Variants in CDYL2 observed in about 807,000 individuals in gnomAD.
CDYL2 encodes chromodomain Y like 2.
In CDYL2, 23 loss-of-function variants were observed where a neutral mutation model predicts 49.4. That is an observed-to-expected ratio of 0.47 (90% CI 0.34 to 0.66). The LOEUF is 0.66. Ranked by LOEUF, CDYL2 falls within the 30% of genes least tolerant of loss-of-function variation. The probability of loss-of-function intolerance (pLI) is 0.01; values close to 1 mark genes in which losing one functional copy is unlikely to be tolerated. For missense variants in CDYL2, 678 were observed against 656.4 expected (o/e 1.03, Z -0.36); for synonymous variants, 360 against 268.8 (o/e 1.34, Z -3.32).
At chr16:80,637,178 T>C (rs1237494268) in intron 2 of CDYL2, among the ~76,000 whole-genome samples, 2 of 151,442 alleles carry the variant, frequency 1.3e-5, no homozygotes. Context: ...GTTCTGTATA[T>C]GTATACATTT....
At chr16:80,757,426 G>A (rs1906348714) in intron 1 of CDYL2, among the ~76,000 whole-genome samples, 1 of 151,576 alleles carries the variant, frequency 6.6e-6, no homozygotes, top group Non-Finnish European at 1.5e-5. Context: ...TGTAGTACTA[G>A]CTGCTCAGGA....
At chr16:80,749,440 T>C (rs546488317) in intron 1 of CDYL2, among the ~76,000 whole-genome samples, 1 of 152,206 alleles carries the variant, frequency 6.6e-6, no homozygotes, top group South Asian at 2.1e-4. Flanking sequence ...CCACTAGAAA[T>C]ACTCAATAAA....
In CDYL2 at chr16:80,602,086, T is replaced by C. The variant is rs1906113767; in HGVS notation, c.*2302A>G. ...AGTTCAACAGAAAAGAGGGGGCTCT[T>C]TCTAATGAAAATTTAGCAGTAGTGA... On this transcript the variant is annotated 3_prime_UTR_variant, in exon 7 of 7. Transcript: ENST00000570137. The C allele has an allele frequency of 6.6e-6, 1 of 152,202 alleles. No individual in the cohort carries two copies. 9.4% of individuals were successfully genotyped at this position (152,202 alleles called of 1,614,324 possible).
intron 1 of CDYL2, among the ~76,000 whole-genome samples, chr16:80,719,329 G>A (rs772166067): frequency 3.3e-5 from 5 of 152,162 alleles, no homozygotes; most frequent in Non-Finnish European, 5.9e-5. Flanking sequence ...ACTGCTCAGT[G>A]CCTCCGTTTC....
intron 2 of CDYL2, among the ~76,000 whole-genome samples, chr16:80,657,178 A>G (rs1908848909): frequency 6.6e-6 from 1 of 152,238 alleles, no homozygotes; most frequent in Admixed American, 6.5e-5. Context: ...ACTCCAAATA[A>G]AATTAAATTA....
intron 1 of CDYL2, among the ~76,000 whole-genome samples, chr16:80,688,484 G>A (rs757488088): frequency 5.3e-5 from 8 of 152,134 alleles, no homozygotes; most frequent in South Asian, 2.1e-4. Flanking sequence ...GGATGACTCC[G>A]ATACATATGA....
intron 1 of CDYL2, among the ~76,000 whole-genome samples, chr16:80,798,212 T>G (rs1383466582): frequency 6.6e-6 from 1 of 152,170 alleles, no homozygotes; most frequent in Non-Finnish European, 1.5e-5. Flanking sequence ...AATAATTTTC[T>G]GTATTCTTTT....
intron 1 of CDYL2, among the ~76,000 whole-genome samples, chr16:80,752,988 C>G (rs978516768): frequency 4.1e-4 from 63 of 152,140 alleles, no homozygotes; most frequent in African/African-American, 1.4e-3. Context: ...TTTAAATGAA[C>G]ATTTGTTGTG....
intron 2 of CDYL2, among the ~76,000 whole-genome samples, chr16:80,655,148 C>G (rs1908749978): frequency 6.6e-6 from 1 of 152,176 alleles, no homozygotes; most frequent in South Asian, 2.1e-4. Flanking sequence ...AGCTCTAAGG[C>G]TGGGTGTCAA....
At position 80,612,634 on chromosome 16, in the gene CDYL2, C is replaced by T. The variant is rs368472250; in HGVS notation, c.1210G>A (p.Val404Ile). 84 of 1,606,658 alleles carry T rather than the reference C, an allele frequency of 5.2e-5. No homozygotes were observed. The highest frequency in any genetic ancestry group is 2.0e-4 in the Middle Eastern group (1 of 4,964). Reference protein sequence around the residue: ...SSYTFPQILGVALANEMLFCG... With the variant: ...SSYTFPQILGIALANEMLFCG... ...TATCACAGGAGGCTTACCAGCGCGA[C>T]GCCCAGGATCTGGGGGAAGGTGTAG... is the stretch of plus-strand genomic sequence containing the variant. The change falls in exon 5 of 7, where the codon GTC becomes ATC. Residue 404 changes from valine to isoleucine, a missense_variant. By Grantham distance (29) the Val-to-Ile change is conservative. Around this residue, in one of 3 missense-constraint regions of CDYL2, gnomAD observed 153 missense variants for 150.6 expected, o/e 1.02. Transcript: ENST00000570137. This position sits in a 1 kb window ranked among gnomAD's most constrained non-coding sequence, Gnocchi z 5.0.
At position 80,674,686 on chromosome 16, in the gene CDYL2, C is replaced by T. The variant is rs967124550; in HGVS notation, c.616+9852G>A. Among the ~76,000 whole-genome samples, 4 of 152,204 alleles carry T rather than the reference C, an allele frequency of 2.6e-5. No individual in the cohort carries two copies. The East Asian group carries it at 7.7e-4, about 29-fold the overall frequency. On this transcript the variant is annotated intron_variant, in intron 2 of 6. Coordinates refer to ENST00000570137, the MANE Select transcript of CDYL2 (RefSeq NM_152342.4). ...TCTCTACAGATTCACCTATTCTGGACATTTGACATAAGTGGAATCATATCA... is the reference window on the plus strand; with the variant it reads ...TCTCTACAGATTCACCTATTCTGGATATTTGACATAAGTGGAATCATATCA...
intron 1 of CDYL2, among the ~76,000 whole-genome samples, chr16:80,801,475 C>G (rs77159298): frequency 0.014 from 2,113 of 152,338 alleles, 117 homozygotes; most frequent in Admixed American, 0.099. Flanking sequence ...TGAAGAATCT[C>G]TACAATCCAA....
chr16:80,668,953 T>C (rs993149431), intron 2 of CDYL2, among the ~76,000 whole-genome samples: 4 of 151,976 alleles, frequency 2.6e-5, no homozygotes, highest in Non-Finnish European at 5.9e-5. Context: ...ATATTTTCCA[T>C]ACTGTTTGAA....
chr16:80,653,041 C>T (rs1410130738), intron 2 of CDYL2, among the ~76,000 whole-genome samples: 4 of 152,118 alleles, frequency 2.6e-5, no homozygotes, highest in Non-Finnish European at 2.9e-5. Context: ...ACTTGAATAC[C>T]GGTTCACCAG....
chr16:80,707,084 G>A (rs1304389731), intron 1 of CDYL2, among the ~76,000 whole-genome samples: 1 of 152,152 alleles, frequency 6.6e-6, no homozygotes, highest in Non-Finnish European at 1.5e-5. Context: ...TGCACCCAGA[G>A]CCTGCCCCCT....
intron 2 of CDYL2, among the ~76,000 whole-genome samples, chr16:80,647,180 T>C (rs1908387731): frequency 6.6e-6 from 1 of 152,076 alleles, no homozygotes. Context: ...CAATAAAAAC[T>C]ATAAAATACT....
At chr16:80,669,185 G>A (rs957821781) in intron 2 of CDYL2, among the ~76,000 whole-genome samples, 4 of 151,848 alleles carry the variant, frequency 2.6e-5, no homozygotes, top group African/African-American at 4.8e-5. Flanking sequence ...AGTCAATAGT[G>A]GGTGCCACAT....
At chr16:80,615,851 G>A (rs1906803842) in intron 4 of CDYL2, among the ~76,000 whole-genome samples, 1 of 152,132 alleles carries the variant, frequency 6.6e-6, no homozygotes, top group African/African-American at 2.4e-5. Flanking sequence ...GTTTAATGAA[G>A]GCCACCCCCC....
chr16:80,687,989 A>T (rs1432266541), intron 1 of CDYL2, among the ~76,000 whole-genome samples: 2 of 152,324 alleles, frequency 1.3e-5, no homozygotes, highest in South Asian at 4.1e-4. Flanking sequence ...TGGGAAGAAG[A>T]GAGAGTATAC....
Sources: gnomAD v4.1 joint callset for allele counts (sites outside exome capture counted in the v4.1 genomes callset) on GRCh38, gnomAD v4.1.1 for gene constraint, gnomAD v4.1.1 regional missense constraint, Gnocchi (gnomAD v3.1) non-coding constraint, MANE v1.5 for transcripts, NCBI Gene and HGNC (gene_info 2026-07-23, HGNC 2026-07-21) for gene names.